CCDC102B: variants seen among roughly 807,000 people sequenced by gnomAD.
The protein encoded by CCDC102B is coiled-coil domain containing 102B.
A neutral mutation model predicts 57.4 loss-of-function variants in CCDC102B; 75 were observed. The ratio of observed to expected loss-of-function variants is 1.31; its 90% confidence interval spans 1.08 to 1.58. The LOEUF is 1.58. Among genes scored for constraint, CCDC102B ranks in the 40% most tolerant of loss-of-function variants. The pLI, the probability that CCDC102B is intolerant of heterozygous loss-of-function variation, is 0.00. For missense variants in CCDC102B, 636 were observed against 582.6 expected (o/e 1.09, Z -0.94); for synonymous variants, 206 against 201.9 (o/e 1.02, Z -0.17).
intron 2 of CCDC102B, among the ~76,000 whole-genome samples, chr18:68,791,624 ATGTGTG>A (rs769792111): frequency 4.7e-5 from 4 of 84,240 alleles, no homozygotes; most frequent in African/African-American, 1.4e-4. Flanking sequence ...GAGTGTGTGT[ATGTGTG>A]TGTGTGTGTA....
At chr18:69,008,591 T>G (rs1214991049) in intron 6 of CCDC102B, among the ~76,000 whole-genome samples, 1 of 152,140 alleles carries the variant, frequency 6.6e-6, no homozygotes, top group African/African-American at 2.4e-5. Context: ...AGGTGGACAT[T>G]CTTGAGACAG....
intron 4 of CCDC102B, among the ~76,000 whole-genome samples, chr18:68,855,338 T>G (rs1451418049): frequency 6.6e-6 from 1 of 152,166 alleles, no homozygotes; most frequent in Non-Finnish European, 1.5e-5. Context: ...TTGTTATGTT[T>G]TGGATCATTT....
At chr18:68,796,425 CTG>C (rs1456885037), upstream of CCDC102B, among the ~76,000 whole-genome samples, 1 of 152,014 alleles carries the variant, frequency 6.6e-6, no homozygotes, top group Non-Finnish European at 1.5e-5. Flanking sequence ...GATGCCATAT[CTG>C]TGTAATTTTC....
chr18:69,047,593 G>A (rs1358303157), intron 7 of CCDC102B, among the ~76,000 whole-genome samples: 3 of 151,970 alleles, frequency 2.0e-5, no homozygotes, highest in African/African-American at 4.8e-5. Context: ...GAGAGAATGT[G>A]AGACTATCCC....
intron 2 of CCDC102B, chr18:68,717,948 C>T (rs1443414060): frequency 6.6e-6 from 1 of 152,134 alleles, no homozygotes; most frequent in Non-Finnish European, 1.5e-5. Flanking sequence ...TGATTAGAGA[C>T]CTTATAAAAG....
At chr18:68,894,422 A>T (rs907713418) in intron 5 of CCDC102B, among the ~76,000 whole-genome samples, 4 of 152,004 alleles carry the variant, frequency 2.6e-5, no homozygotes, top group African/African-American at 9.7e-5. Flanking sequence ...GTTAAAATTC[A>T]CAGTTGAGTT....
rs556592004 is a variant in CCDC102B at position 68,871,543 on chromosome 18, G to T, written c.937-3126G>T. Among the ~76,000 whole-genome samples the T allele has an allele frequency of 2.0e-5, 3 of 152,234 alleles. No individual in the cohort carries two copies. The Middle Eastern group carries it at 0.01, about 518-fold the overall frequency. ...AGTAATTCTGTTTTTAAAGGAGAAAGTATAGTTGTTTAATTAATCTGTTCA... is the reference window on the plus strand; with the variant it reads ...AGTAATTCTGTTTTTAAAGGAGAAATTATAGTTGTTTAATTAATCTGTTCA... On this transcript the variant is annotated intron_variant, in intron 4 of 7. Coordinates refer to ENST00000360242, the MANE Select transcript of CCDC102B (RefSeq NM_024781.3).
intron 2 of CCDC102B, among the ~76,000 whole-genome samples, chr18:68,724,108 A>G (rs1054975569): frequency 2.6e-5 from 4 of 152,190 alleles, no homozygotes; most frequent in African/African-American, 9.7e-5. Context: ...CGTCAGAAGC[A>G]ATTTCCCAAG....
intron 3 of CCDC102B, 61 bp from the exon 4 acceptor site, chr18:68,846,252 T>C: frequency 9.6e-7 from 1 of 1,036,702 alleles, no homozygotes; most frequent in Non-Finnish European, 1.3e-6. Flanking sequence ...ATTGAATGCA[T>C]CCTTGAAAGT....
At chr18:68,964,880 C>G (rs2050130999) in intron 6 of CCDC102B, among the ~76,000 whole-genome samples, 1 of 151,756 alleles carries the variant, frequency 6.6e-6, no homozygotes, top group Non-Finnish European at 1.5e-5. Context: ...ATTTTTTTCC[C>G]TCAGTTCTCT....
intron 2 of CCDC102B, among the ~76,000 whole-genome samples, chr18:68,751,700 T>C (rs1195231530): frequency 6.6e-6 from 1 of 151,992 alleles, no homozygotes; most frequent in Non-Finnish European, 1.5e-5. Flanking sequence ...TTTTAGCAAG[T>C]AGGTGAATCT....
intron 6 of CCDC102B, among the ~76,000 whole-genome samples, chr18:68,962,504 A>T (rs2050070333): frequency 1.3e-5 from 2 of 152,076 alleles, no homozygotes; most frequent in African/African-American, 4.8e-5. Flanking sequence ...TTATATTTGA[A>T]AAAATATTGA....
chr18:68,905,582 AC>A (rs1172083152), intron 6 of CCDC102B, among the ~76,000 whole-genome samples: 1 of 32,818 alleles, frequency 3.0e-5, no homozygotes, highest in African/African-American at 1.3e-4. Context: ...ATGTTATGGG[AC>A]CGCCCTGTCT....
chr18:68,752,533 C>T (rs973576428), intron 2 of CCDC102B, among the ~76,000 whole-genome samples: 3 of 150,600 alleles, frequency 2.0e-5, no homozygotes, highest in African/African-American at 7.3e-5. Context: ...GATCATTTTG[C>T]TTGTGTTTCA....
chr18:68,745,784 C>G (rs2033596798), intron 2 of CCDC102B, among the ~76,000 whole-genome samples: 1 of 152,172 alleles, frequency 6.6e-6, no homozygotes, highest in African/African-American at 2.4e-5. Flanking sequence ...CTTTCTACTT[C>G]TATGAGATAA....
intron 6 of CCDC102B, among the ~76,000 whole-genome samples, chr18:68,917,080 G>A (rs532347738): frequency 1.2e-4 from 18 of 152,268 alleles, no homozygotes; most frequent in Middle Eastern, 3.4e-3. Context: ...GGAGAAGTGT[G>A]TTTCAACCTC....
intron 1 of CCDC102B, among the ~76,000 whole-genome samples, chr18:68,831,861 TATACAAAATGCATTTTC>T (rs2037154715): frequency 6.6e-6 from 1 of 152,180 alleles, no homozygotes; most frequent in Admixed American, 6.5e-5. Context: ...GCTTTAGATC[TATACAAAATGCATTTTC>T]ATACTCATCA....
chr18:68,850,707 T>C (rs776313477), intron 4 of CCDC102B, among the ~76,000 whole-genome samples: 4 of 152,088 alleles, frequency 2.6e-5, no homozygotes, highest in African/African-American at 4.8e-5. Context: ...CCTTTCTTTA[T>C]CATTTCCCCC....
rs1293996126 is a variant in CCDC102B at position 68,837,439 on chromosome 18, G to A, written c.606+70G>A. Reference sequence around the variant, plus strand: ...TATAGTGATGGGGAGGAAGAAGGAAGTGACAAATGCAATGGTGATTATACT... The same window carrying A: ...TATAGTGATGGGGAGGAAGAAGGAAATGACAAATGCAATGGTGATTATACT... On this transcript the variant is annotated intron_variant, in intron 2 of 7. Transcript: ENST00000360242. 19 of 1,424,646 alleles carry A rather than the reference G, an allele frequency of 1.3e-5. No homozygotes were observed. In the Middle Eastern group the frequency reaches 7.4e-4, roughly 55 times the overall value. 88.3% of individuals were successfully genotyped at this position (1,424,646 alleles called of 1,614,324 possible). A position where few individuals can be genotyped will look rare whatever the true frequency, so the allele number is the denominator to read the frequency against.
Sources: gnomAD v4.1 joint callset for allele counts (sites outside exome capture counted in the v4.1 genomes callset) on GRCh38, gnomAD v4.1.1 for gene constraint, MANE v1.5 for transcripts, NCBI Gene and HGNC (gene_info 2026-07-23, HGNC 2026-07-21) for gene names.